Variants in SHISA6 observed in about 807,000 individuals in gnomAD.
The protein encoded by SHISA6 is shisa family member 6, also known as protein shisa-6.
SHISA6 carries 22 observed loss-of-function variants against 47.9 expected under a neutral mutation model. The observed-to-expected ratio is 0.46, with a 90% CI of 0.33 to 0.66. The LOEUF is 0.66. Ranked by LOEUF, SHISA6 falls within the 30% of genes least tolerant of loss-of-function variation. SHISA6 has a pLI of 0.02. For synonymous variants in SHISA6, 388 were observed against 337.8 expected, an observed-to-expected ratio of 1.15 and a Z score of -1.63; for missense variants, 680 against 764.6, an observed-to-expected ratio of 0.89 and a Z score of 1.30.
At chr17:11,273,422 C>G (rs139843267) in intron 2 of SHISA6, among the ~76,000 whole-genome samples, 1 of 152,212 alleles carries the variant, frequency 6.6e-6, no homozygotes, top group Non-Finnish European at 1.5e-5. Context: ...CAAGGGCAGG[C>G]GTTCTCCTGA....
intron 3 of SHISA6, among the ~76,000 whole-genome samples, chr17:11,471,812 C>T (rs1294815068): frequency 6.6e-6 from 1 of 152,138 alleles, no homozygotes; most frequent in Non-Finnish European, 1.5e-5. Context: ...AGTTTCACAG[C>T]AAAACTAAGA....
chr17:11,489,490 T>C (rs1916424642), intron 3 of SHISA6, among the ~76,000 whole-genome samples: 1 of 152,208 alleles, frequency 6.6e-6, no homozygotes, highest in Non-Finnish European at 1.5e-5. Flanking sequence ...TGGTGCTTTA[T>C]AGTTTGTATC....
intron 3 of SHISA6, among the ~76,000 whole-genome samples, chr17:11,394,942 C>T (rs1913516372): frequency 6.9e-6 from 1 of 144,692 alleles, no homozygotes; most frequent in South Asian, 2.2e-4. Context: ...AATTGTTTTT[C>T]TGAAATATTT....
At chr17:11,417,502 A>G (rs1189464852) in intron 3 of SHISA6, among the ~76,000 whole-genome samples, 1 of 152,210 alleles carries the variant, frequency 6.6e-6, no homozygotes, top group Non-Finnish European at 1.5e-5. Context: ...TGACAATCAC[A>G]GTGGACATTC....
At chr17:11,291,289 C>T (rs1196243926) in intron 2 of SHISA6, among the ~76,000 whole-genome samples, 2 of 151,506 alleles carry the variant, frequency 1.3e-5, no homozygotes, top group Admixed American at 6.6e-5. Flanking sequence ...TGGGCAGAGA[C>T]GGCCTCTGCA....
intron 3 of SHISA6, among the ~76,000 whole-genome samples, chr17:11,426,362 T>C (rs923260388): frequency 6.6e-6 from 1 of 152,250 alleles, no homozygotes; most frequent in African/African-American, 2.4e-5. Context: ...AAGGCAGTTC[T>C]AATTGGAATG....
chr17:11,528,339 C>G (rs2071703843), intron 3 of SHISA6, among the ~76,000 whole-genome samples: 1 of 152,010 alleles, frequency 6.6e-6, no homozygotes, highest in Non-Finnish European at 1.5e-5. Flanking sequence ...TAATTATCCC[C>G]AAATTCATCA....
At chr17:11,517,467 A>G (rs537831220) in intron 3 of SHISA6, among the ~76,000 whole-genome samples, 214 of 152,272 alleles carry the variant, frequency 1.4e-3, no homozygotes, top group Non-Finnish European at 1.9e-3. Context: ...AGTCAAATTC[A>G]GATTAATTTT....
chr17:11,362,245 T>C (rs553342283), intron 2 of SHISA6, among the ~76,000 whole-genome samples: 2 of 152,166 alleles, frequency 1.3e-5, no homozygotes, highest in Admixed American at 1.3e-4. Flanking sequence ...GCTCAAGCAA[T>C]CCTCCTGCCC....
intron 2 of SHISA6, among the ~76,000 whole-genome samples, chr17:11,307,527 C>T (rs1910166694): frequency 6.6e-6 from 1 of 152,196 alleles, no homozygotes; most frequent in Non-Finnish European, 1.5e-5. Context: ...TACTCTTATT[C>T]ATCTTTCTTA....
intron 2 of SHISA6, among the ~76,000 whole-genome samples, chr17:11,296,092 C>T (rs894558127): frequency 6.6e-6 from 1 of 151,620 alleles, no homozygotes; most frequent in Non-Finnish European, 1.5e-5. Flanking sequence ...GTGACTCCTG[C>T]GTAGTGGAAG....
chr17:11,530,585 A>G (rs2071723918), intron 3 of SHISA6, among the ~76,000 whole-genome samples: 1 of 152,226 alleles, frequency 6.6e-6, no homozygotes, highest in Non-Finnish European at 1.5e-5. Flanking sequence ...TGCTCCCAGA[A>G]GCCCAGCACA....
intron 4 of SHISA6, 80 bp from the exon 5 acceptor site, chr17:11,555,660 G>A (rs1028165250): frequency 1.6e-5 from 23 of 1,412,014 alleles, no homozygotes; most frequent in African/African-American, 5.8e-5. Context: ...ATGGGGATTC[G>A]AATCAGGGGT....
chr17:11,289,044 C>T (rs941541820), intron 2 of SHISA6: 7 of 152,034 alleles, frequency 4.6e-5, no homozygotes, highest in Non-Finnish European at 7.4e-5. Context: ...ATAATAAATA[C>T]ACAACAAATG....
chr17:11,395,513 C>CTTTT (rs886287303), intron 3 of SHISA6, among the ~76,000 whole-genome samples: 12 of 117,406 alleles, frequency 1.0e-4, no homozygotes, highest in East Asian at 2.4e-4. Flanking sequence ...GGCAGTTTTA[C>CTTTT]TTTTTTTTTT....
At chr17:11,414,450 A>T (rs1471931611) in intron 3 of SHISA6, among the ~76,000 whole-genome samples, 1 of 152,186 alleles carries the variant, frequency 6.6e-6, no homozygotes, top group Non-Finnish European at 1.5e-5. Flanking sequence ...AAAGGGGCTT[A>T]AATGATACAG....
chr17:11,513,526 C>T (rs2071558936), intron 3 of SHISA6, among the ~76,000 whole-genome samples: 2 of 152,208 alleles, frequency 1.3e-5, no homozygotes, highest in Non-Finnish European at 2.9e-5. Flanking sequence ...ACCTATGTCA[C>T]ATCTCTGGGT....
intron 2 of SHISA6, among the ~76,000 whole-genome samples, chr17:11,302,551 G>T (rs1262038597): frequency 6.6e-6 from 1 of 152,178 alleles, no homozygotes. Context: ...CCAGAAACAG[G>T]CAAGCATTTC....
intron 3 of SHISA6, among the ~76,000 whole-genome samples, chr17:11,533,371 C>G (rs1025789924): frequency 1.3e-5 from 2 of 152,036 alleles, no homozygotes; most frequent in Admixed American, 1.3e-4. Context: ...GTCAATTTGG[C>G]GTTAAAGTGC....
Sources: gnomAD v4.1 joint callset for allele counts (sites outside exome capture counted in the v4.1 genomes callset) on GRCh38, gnomAD v4.1.1 for gene constraint, MANE v1.5 for transcripts, NCBI Gene and HGNC (gene_info 2026-07-23, HGNC 2026-07-21) for gene names.